Variants in MYOM2 observed in about 807,000 individuals in gnomAD.
MYOM2 encodes myomesin 2, also known as myomesin-2.
MYOM2 carries 254 observed loss-of-function variants against 187.6 expected under a neutral mutation model. The observed-to-expected ratio is 1.35, with a 90% CI of 1.22 to 1.50. The LOEUF (loss-of-function observed/expected upper bound fraction) is 1.50. Ranked by LOEUF, MYOM2 falls within the 40% of genes most tolerant of loss-of-function variation. The pLI is 0.00. For missense variants in MYOM2, 2,796 were observed against 1,924.0 expected, an observed-to-expected ratio of 1.45 and a Z score of -8.48; for synonymous variants, 981 against 753.8, an observed-to-expected ratio of 1.30 and a Z score of -4.94.
chr8:2,115,638 G>T (rs185652362), intron 25 of MYOM2, among the ~76,000 whole-genome samples: 64 of 152,244 alleles, frequency 4.2e-4, no homozygotes, highest in African/African-American at 1.5e-3. Flanking sequence ...TATCAATTGC[G>T]TATCATTTTA....
intron 6 of MYOM2, among the ~76,000 whole-genome samples, chr8:2,060,453 C>A (rs890720995): frequency 1.4e-4 from 21 of 152,000 alleles, no homozygotes; most frequent in African/African-American, 5.1e-4. Context: ...GGTGTGTGTG[C>A]TTGTGTGTGT....
rs555690948 is a variant in MYOM2, at chr8:2,079,625, C to G, written c.1516+12C>G. 9 of 1,613,552 alleles carry G rather than the reference C, an allele frequency of 5.6e-6. No homozygotes were observed. In the African/African-American group the frequency reaches 9.3e-5, roughly 17 times the overall value. On this transcript the variant is annotated intron_variant, in intron 13 of 36. Coordinates refer to ENST00000262113, the MANE Select transcript of MYOM2 (RefSeq NM_003970.4). ...GGATGACCTTGAAGGTAAGTAGCAC[C>G]TCATCACCCCAGCTGCTCAGCCCCT...
rs570741458 is a variant in MYOM2, at chr8:2,057,439, C to T, written c.355C>T (p.Arg119Cys). The change falls in exon 4 of 37, where the codon CGC (arginine) becomes TGC (cysteine). Residue 119 changes from arginine (R) to cysteine (C), a missense_variant. Physicochemically the swap from Arg to Cys is radical, Grantham distance 180. Coordinates refer to ENST00000262113, the MANE Select transcript of MYOM2 (RefSeq NM_003970.4). ...AHLEEDVHLA[R>C]SQARDKLDKY... ...CTTGGAGGAGGATGTCCACCTGGCA[C>T]GCTCCCAGGCCCGCGACAAGCTGGA... 63 of 1,613,990 alleles carry T rather than the reference C, an allele frequency of 3.9e-5. No individual in the cohort carries two copies. In the East Asian group the frequency reaches 4.9e-4, roughly 13 times the overall value.
In MYOM2 at chr8:2,052,395, G is replaced by A. The variant is rs543164439; in HGVS notation, c.263+82G>A. On this transcript the variant is annotated intron_variant, in intron 3 of 36. Transcript: ENST00000262113. Reference sequence around the variant, plus strand: ...GACAGTGGGGTGAGGAGGGAAGAGCGACCTTAGCTGAGAGGGAAGATCAAG... The same window carrying A: ...GACAGTGGGGTGAGGAGGGAAGAGCAACCTTAGCTGAGAGGGAAGATCAAG... 102 of 1,401,582 alleles carry A rather than the reference G, an allele frequency of 7.3e-5. No individual in the cohort carries two copies. The African/African-American group carries it at 9.2e-4, about 13-fold the overall frequency. The allele number at this position is 1,401,582 out of a possible 1,614,324, so 86.8% of individuals were successfully genotyped here.
chr8:2,141,677 G>C (rs116901650), intron 34 of MYOM2, among the ~76,000 whole-genome samples: 1,816 of 152,288 alleles, frequency 0.012, 17 homozygotes, highest in Non-Finnish European at 0.019. Context: ...TTTGATTGGA[G>C]GGCAGGTTAT....
chr8:2,068,479 G>A (rs1234524944), intron 6 of MYOM2, among the ~76,000 whole-genome samples: 2 of 147,800 alleles, frequency 1.4e-5, no homozygotes, highest in African/African-American at 2.5e-5. Flanking sequence ...CATCCCGTGG[G>A]CAGCTCTTCA....
At chr8:2,100,768 C>G (rs1796678986) in intron 19 of MYOM2, 108 bp from the exon 20 acceptor site, 2 of 1,051,092 alleles carry the variant, frequency 1.9e-6, no homozygotes, top group South Asian at 1.5e-5. Context: ...ACGGATGGTC[C>G]TGGTGGGGGG....
intron 6 of MYOM2, among the ~76,000 whole-genome samples, chr8:2,059,517 T>C (rs1444835858): frequency 6.6e-6 from 1 of 152,156 alleles, no homozygotes; most frequent in Non-Finnish European, 1.5e-5. Context: ...AAGGCTGCCA[T>C]GCAGTGCAAG....
At chr8:2,092,745 GGA>G (rs1796351983) in intron 16 of MYOM2, among the ~76,000 whole-genome samples, 1 of 124,982 alleles carries the variant, frequency 8.0e-6, no homozygotes, top group Admixed American at 9.3e-5. Context: ...ATGGATGAAA[GGA>G]GAGTTCCAGA....
intron 19 of MYOM2, among the ~76,000 whole-genome samples, chr8:2,100,104 C>CTTTCCTTCCTTT (rs1796643403): frequency 7.8e-5 from 8 of 102,034 alleles, no homozygotes; most frequent in African/African-American, 3.1e-4. Flanking sequence ...TTCCTTCCTT[C>CTTTCCTTCCTTT]CTTCTTTCTT....
intron 5 of MYOM2, among the ~76,000 whole-genome samples, chr8:2,058,238 C>G (rs895000307): frequency 8.6e-5 from 13 of 151,996 alleles, no homozygotes; most frequent in Non-Finnish European, 1.3e-4. Context: ...AGGCTGATCT[C>G]AAACTCCTGA....
intron 6 of MYOM2, among the ~76,000 whole-genome samples, chr8:2,066,399 T>G (rs1159913400): frequency 1.3e-5 from 2 of 152,214 alleles, no homozygotes; most frequent in Non-Finnish European, 2.9e-5. Context: ...CAGCGGTGCC[T>G]GTGGGAGGCT....
In MYOM2 at chr8:2,145,206, G is replaced by C. The variant is rs1438503856; in HGVS notation, c.*225G>C. On this transcript the variant is annotated 3_prime_UTR_variant, in exon 37 of 37. Transcript: ENST00000262113. The stretch of plus-strand genomic sequence containing the variant: ...GACTGAACAACGTGTATTTACACGA[G>C]GGTAGACGGCAGATGCCTGACAGAG... 2 of 595,894 alleles carry C rather than the reference G, an allele frequency of 3.4e-6. No individual in the cohort carries two copies. The highest frequency in any genetic ancestry group is 5.8e-6 in the Non-Finnish European group (2 of 344,976). The allele number at this position is 595,894 out of a possible 1,614,324, so 36.9% of individuals were successfully genotyped here.
intron 1 of MYOM2, among the ~76,000 whole-genome samples, chr8:2,048,954 A>T (rs551479933): frequency 1.1e-4 from 17 of 151,426 alleles, no homozygotes; most frequent in African/African-American, 3.4e-4. Flanking sequence ...CATTCTGGCT[A>T]ATTTTTTGTA....
At chr8:2,087,553 C>A (rs1796135956) in intron 14 of MYOM2, among the ~76,000 whole-genome samples, 2 of 152,214 alleles carry the variant, frequency 1.3e-5, no homozygotes, top group African/African-American at 4.8e-5. Context: ...GGTATTTTCT[C>A]AGGCCCCTCA....
At position 2,077,902 on chromosome 8, in the gene MYOM2, C is replaced by G. The variant is rs144357464; in HGVS notation, c.1263-832C>G. The stretch of plus-strand genomic sequence containing the variant: ...TTCCCATCAGACTTTTGGTTTTGAC[C>G]TGTTGTTCTCTTCGGCTAAAACAGC... On this transcript the variant is annotated intron_variant, in intron 11 of 36. Transcript: ENST00000262113. 2.6e-5 allele frequency among the ~76,000 whole-genome samples: 4 copies of G among 152,270 alleles called. No homozygotes were observed. The East Asian group carries it at 7.7e-4, about 29-fold the overall frequency.
intron 13 of MYOM2, among the ~76,000 whole-genome samples, chr8:2,080,906 G>A (rs1819599833): frequency 6.7e-6 from 1 of 148,792 alleles, no homozygotes; most frequent in African/African-American, 2.5e-5. Context: ...TGCAGAATGA[G>A]GTTGGTTCTG....
rs186416424 is a variant in MYOM2 at position 2,117,603 on chromosome 8, G to A, written c.3386-282G>A. Among the ~76,000 whole-genome samples, 232 of 152,248 alleles carry A rather than the reference G, an allele frequency of 1.5e-3. 1 individual carries two copies. The highest frequency in any genetic ancestry group is 4.6e-3 in the Admixed American group (71 of 15,298). ...AGCAATAGATATGAGATGTCAGTAA[G>A]AAGGAGCCATCAGACGTACGCTCCT... On this transcript the variant is annotated intron_variant, in intron 27 of 36. Coordinates refer to ENST00000262113, the MANE Select transcript of MYOM2 (RefSeq NM_003970.4).
At chr8:2,048,869 A>G (rs1038358866) in intron 1 of MYOM2, among the ~76,000 whole-genome samples, 3 of 151,420 alleles carry the variant, frequency 2.0e-5, no homozygotes, top group African/African-American at 7.3e-5. Context: ...GGCTCACTGC[A>G]AGCTCCGCCT....
Sources: gnomAD v4.1 joint callset for allele counts (sites outside exome capture counted in the v4.1 genomes callset) on GRCh38, gnomAD v4.1.1 for gene constraint, MANE v1.5 for transcripts, NCBI Gene and HGNC (gene_info 2026-07-23, HGNC 2026-07-21) for gene names.